ZNF391: variants seen among roughly 807,000 people sequenced by gnomAD.
ZNF391 encodes the protein zinc finger protein 391.
For synonymous variants in ZNF391, 126 were observed against 142.1 expected (o/e 0.89, Z 0.80); for missense variants, 375 against 425.5 (o/e 0.88, Z 1.04).
chr6:27,381,453 C>T (rs1376399055), intron 1 of ZNF391, among the ~76,000 whole-genome samples: 3 of 152,260 alleles, frequency 2.0e-5, no homozygotes, highest in Non-Finnish European at 2.9e-5. Flanking sequence ...CACACCTACC[C>T]GCAAGCTGAG....
rs1761519124 is a variant in ZNF391 at position 27,382,102 on chromosome 6, CAA to C, written n.523+6966_523+6967del. On this transcript the variant is annotated intron_variant and non_coding_transcript_variant, in intron 1 of 2. Transcript: ENST00000477999. ...AATCCCAGACTTTGGGAGGCCAAGGCAAGCAGATCACCTGAGATCAGGAGTTC... is the reference window on the plus strand; with the variant it reads ...AATCCCAGACTTTGGGAGGCCAAGGCGCAGATCACCTGAGATCAGGAGTTC... Among the ~76,000 whole-genome samples, 8 of 149,984 alleles carry C rather than the reference CAA, an allele frequency of 5.3e-5. 1 individual carries two copies. In the South Asian group the frequency reaches 1.7e-3, roughly 32 times the overall value.
intron 1 of ZNF391, among the ~76,000 whole-genome samples, chr6:27,390,782 T>C (rs554335752): frequency 6.6e-6 from 1 of 152,366 alleles, no homozygotes; most frequent in Admixed American, 6.5e-5. Flanking sequence ...TCATCTCCCT[T>C]ATACTATATA....
chr6:27,389,376 T>C (rs1490266054), intron 1 of ZNF391: 1 of 455,220 alleles, frequency 2.2e-6, no homozygotes, highest in Non-Finnish European at 4.4e-6. Context: ...CTGGGGTGTT[T>C]CCCAGGTGCT....
chr6:27,390,241 A>G (rs987473145), intron 1 of ZNF391, among the ~76,000 whole-genome samples: 7 of 152,208 alleles, frequency 4.6e-5, no homozygotes, highest in Non-Finnish European at 8.8e-5. Flanking sequence ...TAGGAGAGAC[A>G]AGCAATGTCA....
rs763249009 is a variant in ZNF391 at position 27,400,755 on chromosome 6, A to G, written c.385A>G (p.Arg129Gly). 1.2e-6 allele frequency: 2 copies of G among 1,614,220 alleles called. No homozygotes were observed. Among genetic ancestry groups the G allele is most frequent in the Admixed American group, 3.3e-5 (2 of 60,026 alleles). The change falls in exon 3 of 3, where the codon AGA becomes GGA. Residue 129 changes from arginine to glycine, a missense_variant. Physicochemically the swap from Arg to Gly is moderately radical, Grantham distance 125. Transcript: ENST00000244576. The stretch of plus-strand genomic sequence containing the variant: ...CCAATCAGACCTTCTTGTACACAGT[A>G]GAATTCATGGTGGAGAAAAGCCTTT... Reference protein sequence around the residue: ...SYQSDLLVHSRIHGGEKPFEC... With the variant: ...SYQSDLLVHSGIHGGEKPFEC...
chr6:27,388,840 C>T lies in ZNF391; in HGVS notation c.-423C>T, dbSNP rs1339204803. 4.5e-6 allele frequency: 2 copies of T among 441,440 alleles called. No individual in the cohort carries two copies. The highest frequency in any genetic ancestry group is 9.0e-6 in the Non-Finnish European group (2 of 223,168). The allele number at this position is 441,440 out of a possible 1,614,324, so 27.3% of individuals were successfully genotyped here. A position where few individuals can be genotyped will look rare whatever the true frequency, so the allele number is the denominator to read the frequency against. ...ACTGCCCAGACAATGACTGGTCCCG[C>T]ATACCGAGCAGAGCATGATCAGCAG... On this transcript the variant is annotated 5_prime_UTR_variant, in exon 1 of 3. Transcript: ENST00000244576.
At chr6:27,386,559 A>G (rs1761585233), upstream of ZNF391, among the ~76,000 whole-genome samples, 1 of 152,138 alleles carries the variant, frequency 6.6e-6, no homozygotes. Context: ...GAATAGGAAT[A>G]TAGACCAATA....
chr6:27,393,360 C>T (rs1035700605), intron 1 of ZNF391, among the ~76,000 whole-genome samples: 2 of 152,140 alleles, frequency 1.3e-5, no homozygotes, highest in African/African-American at 4.8e-5. Flanking sequence ...CACCTCTTCT[C>T]CTGCTTTTGC....
At position 27,400,758 on chromosome 6, in the gene ZNF391, A is replaced by G. The variant is rs1346497234; in HGVS notation, c.388A>G (p.Ile130Val). 6.2e-7 allele frequency: 1 copy of G among 1,614,250 alleles called. No homozygotes were observed. The highest frequency in any genetic ancestry group is 1.1e-5 in the South Asian group (1 of 91,090). ...ATCAGACCTTCTTGTACACAGTAGAATTCATGGTGGAGAAAAGCCTTTTGA... is the reference window on the plus strand; with the variant it reads ...ATCAGACCTTCTTGTACACAGTAGAGTTCATGGTGGAGAAAAGCCTTTTGA... ...YQSDLLVHSR[I>V]HGGEKPFECN... The change falls in exon 3 of 3, where the codon ATT (isoleucine) becomes GTT (valine). Residue 130 changes from isoleucine to valine, a missense_variant. Physicochemically the swap from Ile to Val is conservative, Grantham distance 29. Coordinates refer to ENST00000244576, the MANE Select transcript of ZNF391 (RefSeq NM_001076781.3).
intron 1 of ZNF391, among the ~76,000 whole-genome samples, chr6:27,394,105 A>G (rs1317862359): frequency 6.6e-6 from 1 of 152,250 alleles, no homozygotes; most frequent in African/African-American, 2.4e-5. Context: ...AGAGAAATTC[A>G]AGCAGGCCAT....
chr6:27,384,948 G>A (rs190438466), upstream of ZNF391, among the ~76,000 whole-genome samples: 202 of 151,916 alleles, frequency 1.3e-3, no homozygotes, highest in Admixed American at 3.9e-3. Flanking sequence ...CACGGGAGGT[G>A]GAGGTTGCAG....
At chr6:27,389,339 C>T (rs980884371) in intron 1 of ZNF391, 34 of 454,604 alleles carry the variant, frequency 7.5e-5, no homozygotes, top group African/African-American at 4.8e-4. Flanking sequence ...TGCTTCCCCT[C>T]TAGCTGGGCG....
At chr6:27,396,998 T>C (rs1259290002) in intron 1 of ZNF391, among the ~76,000 whole-genome samples, 1 of 152,136 alleles carries the variant, frequency 6.6e-6, no homozygotes, top group East Asian at 1.9e-4. Flanking sequence ...CTCCCTAGGA[T>C]GCCATCTTGA....
rs1051600745 is a variant in ZNF391 at position 27,401,614 on chromosome 6, C to T, written c.*167C>T. Reference sequence around the variant, plus strand: ...TCTTTCCATCCATCTATCCTTCTTTCGTCTCCCCTCCCTTCTTCCCTCCTT... The same window carrying T: ...TCTTTCCATCCATCTATCCTTCTTTTGTCTCCCCTCCCTTCTTCCCTCCTT... On this transcript the variant is annotated 3_prime_UTR_variant, in exon 3 of 3. Transcript: ENST00000244576. 37 of 486,358 alleles carry T rather than the reference C, an allele frequency of 7.6e-5. No homozygotes were observed. The highest frequency in any genetic ancestry group is 1.2e-4 in the African/African-American group (6 of 51,348). The allele number at this position is 486,358 out of a possible 1,614,324, so 30.1% of individuals were successfully genotyped here.
In ZNF391 at chr6:27,374,742, G is replaced by A. The variant is rs1457291342; in HGVS notation, n.128G>A. ...GATAACCACCTATTTCTGACCTCTGGAGGCCGGGCTGAGCCCGGAATTTTA... is the reference window on the plus strand; with the variant it reads ...GATAACCACCTATTTCTGACCTCTGAAGGCCGGGCTGAGCCCGGAATTTTA... On this transcript the variant is annotated non_coding_transcript_exon_variant, in exon 1 of 3. Coordinates refer to the ZNF391 transcript ENST00000477999. This position sits in a 1 kb window ranked among gnomAD's most constrained non-coding sequence, Gnocchi z 5.3. 6.6e-6 allele frequency: 1 copy of A among 152,126 alleles called. No individual in the cohort carries two copies. The highest frequency in any genetic ancestry group is 1.5e-5 in the Non-Finnish European group (1 of 68,046). The allele number at this position is 152,126 out of a possible 1,614,324, so 9.4% of individuals were successfully genotyped here.
chr6:27,381,823 A>G (rs914030691), intron 1 of ZNF391, among the ~76,000 whole-genome samples: 1 of 152,204 alleles, frequency 6.6e-6, no homozygotes, highest in Non-Finnish European at 1.5e-5. Context: ...ACCTGAGGTC[A>G]GAAGTTTGAG....
At chr6:27,387,252 A>T (rs1423500337), upstream of ZNF391, among the ~76,000 whole-genome samples, 1 of 152,234 alleles carries the variant, frequency 6.6e-6, no homozygotes, top group Non-Finnish European at 1.5e-5. Flanking sequence ...TGCACTGCTG[A>T]TGGGAATGTA....
At chr6:27,375,910 G>C (rs1761410327) in intron 1 of ZNF391, among the ~76,000 whole-genome samples, 1 of 152,184 alleles carries the variant, frequency 6.6e-6, no homozygotes, top group African/African-American at 2.4e-5. Flanking sequence ...GGAACTCAAA[G>C]ACACCGTTAC....
In ZNF391 at chr6:27,401,606, CCTT is replaced by C. The variant is rs1422606759; in HGVS notation, c.*163_*165del. On this transcript the variant is annotated 3_prime_UTR_variant, in exon 3 of 3. Coordinates refer to ENST00000244576, the MANE Select transcript of ZNF391 (RefSeq NM_001076781.3). ...TCATTCGTTCTTTCCATCCATCTATCCTTCTTTCGTCTCCCCTCCCTTCTTCCC... is the reference window on the plus strand; with the variant it reads ...TCATTCGTTCTTTCCATCCATCTATCCTTTCGTCTCCCCTCCCTTCTTCCC... The C allele has an allele frequency of 5.7e-5, 29 of 512,416 alleles. No homozygotes were observed. Among genetic ancestry groups the C allele is most frequent in the South Asian group, 5.5e-4 (12 of 21,676 alleles). The allele number at this position is 512,416 out of a possible 1,614,324, so 31.7% of individuals were successfully genotyped here.
Sources: gnomAD v4.1 joint callset for allele counts (sites outside exome capture counted in the v4.1 genomes callset) on GRCh38, gnomAD v4.1.1 for gene constraint, Gnocchi (gnomAD v3.1) non-coding constraint, MANE v1.5 for transcripts, NCBI Gene and HGNC (gene_info 2026-07-23, HGNC 2026-07-21) for gene names.